The following LINC00305 variants were observed in gnomAD, a reference collection of about 807,000 sequenced individuals.
LINC00305 encodes long intergenic non-protein coding RNA 305.
chr18:64,086,431 CTG>C (rs369461670), intron 3 of LINC00305, among the ~76,000 whole-genome samples: 35 of 152,284 alleles, frequency 2.3e-4, no homozygotes, highest in African/African-American at 6.3e-4. Context: ...GATAGGAACA[CTG>C]TCATATTTTC....
chr18:64,137,137 G>A (rs769832551), intron 1 of LINC00305, among the ~76,000 whole-genome samples: 1 of 152,148 alleles, frequency 6.6e-6, no homozygotes, highest in Admixed American at 6.5e-5. Flanking sequence ...GGGGAATCTG[G>A]ACACACAGAC....
chr18:64,117,339 T>C lies in LINC00305; in HGVS notation n.315-18699A>G, dbSNP rs145266018. 4.2e-3 allele frequency among the ~76,000 whole-genome samples: 643 copies of C among 152,310 alleles called. 4 individuals carry two copies. The highest frequency in any genetic ancestry group is 0.014 in the African/African-American group (592 of 41,572). ...AATAATCTAATGCCTGAAACACTCA[T>C]AGGAGTAATGTATTGTTATCTCTGC... On this transcript the variant is annotated intron_variant and non_coding_transcript_variant, in intron 1 of 3. Transcript: ENST00000666468.
chr18:64,141,553 G>C (rs1019682592), intron 1 of LINC00305, among the ~76,000 whole-genome samples: 1 of 152,224 alleles, frequency 6.6e-6, no homozygotes, highest in African/African-American at 2.4e-5. Context: ...CGCAGGCCCA[G>C]TGACTGTATG....
chr18:64,143,330 T>C (rs2051473319), intron 1 of LINC00305, among the ~76,000 whole-genome samples: 1 of 152,072 alleles, frequency 6.6e-6, no homozygotes. Context: ...TGTTGATATC[T>C]AGCTGGCAGT....
intron 1 of LINC00305, among the ~76,000 whole-genome samples, chr18:64,143,867 CATAT>C (rs1599234439): frequency 6.7e-6 from 1 of 149,512 alleles, no homozygotes; most frequent in African/African-American, 2.5e-5. Flanking sequence ...TACATACATA[CATAT>C]ATGTATACAT....
chr18:64,137,659 C>T (rs1216553923), intron 1 of LINC00305, among the ~76,000 whole-genome samples: 3 of 152,118 alleles, frequency 2.0e-5, no homozygotes, highest in Admixed American at 6.5e-5. Flanking sequence ...CTTTGCAAAG[C>T]TGTCTTTGGA....
intron 1 of LINC00305, among the ~76,000 whole-genome samples, chr18:64,148,358 G>T (rs940034436): frequency 6.6e-6 from 1 of 151,904 alleles, no homozygotes; most frequent in Non-Finnish European, 1.5e-5. Flanking sequence ...AGGACTAACT[G>T]TAAAACTATG....
At chr18:64,122,778 A>G (rs1007538054) in intron 1 of LINC00305, among the ~76,000 whole-genome samples, 2 of 152,056 alleles carry the variant, frequency 1.3e-5, no homozygotes, top group African/African-American at 4.8e-5. Context: ...CTTGAGCAGG[A>G]TTGTCATTTT....
At chr18:64,143,766 T>A (rs1342496304) in intron 1 of LINC00305, among the ~76,000 whole-genome samples, 2 of 150,706 alleles carry the variant, frequency 1.3e-5, no homozygotes, top group East Asian at 3.9e-4. Flanking sequence ...TGTACACATA[T>A]TATGCGTACA....
chr18:64,116,077 A>T (rs931090114), intron 1 of LINC00305, among the ~76,000 whole-genome samples: 2 of 152,176 alleles, frequency 1.3e-5, no homozygotes, highest in Admixed American at 1.3e-4. Flanking sequence ...ATTTTTTACC[A>T]GTGGAGTTAA....
chr18:64,144,994 C>T (rs2144284639), intron 1 of LINC00305, among the ~76,000 whole-genome samples: 1 of 152,180 alleles, frequency 6.6e-6, no homozygotes, highest in African/African-American at 2.4e-5. Context: ...GCTATAAACG[C>T]CCTCATCTTG....
chr18:64,143,544 TACAC>T (rs879281595), intron 1 of LINC00305, among the ~76,000 whole-genome samples: 19,424 of 127,316 alleles, frequency 0.15, 2,844 homozygotes, highest in African/African-American at 0.2. Context: ...CATATATATG[TACAC>T]ATATTATGTG....
intron 1 of LINC00305, among the ~76,000 whole-genome samples, chr18:64,117,706 A>G (rs781210027): frequency 9.9e-5 from 15 of 152,206 alleles, no homozygotes; most frequent in Admixed American, 2.0e-4. Flanking sequence ...AAGTGCATGT[A>G]ACGGTACAGA....
intron 1 of LINC00305, among the ~76,000 whole-genome samples, chr18:64,114,424 G>A (rs1015900042): frequency 2.0e-5 from 3 of 152,188 alleles, no homozygotes; most frequent in Non-Finnish European, 2.9e-5. Flanking sequence ...TGGACATTCC[G>A]GGTGTGCTAT....
chr18:64,136,718 C>A (rs1454988507), intron 1 of LINC00305, among the ~76,000 whole-genome samples: 1 of 152,086 alleles, frequency 6.6e-6, no homozygotes, highest in Non-Finnish European at 1.5e-5. Context: ...TCAGAAGAGA[C>A]AATATGAAGA....
chr18:64,094,305 A>G (rs1740434168), intron 3 of LINC00305, among the ~76,000 whole-genome samples: 1 of 152,232 alleles, frequency 6.6e-6, no homozygotes, highest in South Asian at 2.1e-4. Context: ...TCCCCTTCTG[A>G]AAAGATGATA....
chr18:64,093,665 A>G (rs1319115485), intron 3 of LINC00305, among the ~76,000 whole-genome samples: 1 of 152,172 alleles, frequency 6.6e-6, no homozygotes, highest in Non-Finnish European at 1.5e-5. Context: ...TCTTGTAGTC[A>G]CAGGGGTTGT....
intron 1 of LINC00305, among the ~76,000 whole-genome samples, chr18:64,141,786 C>G (rs576706003): frequency 6.6e-6 from 1 of 152,152 alleles, no homozygotes; most frequent in Admixed American, 6.5e-5. Flanking sequence ...TTTCTCAAAA[C>G]GCTTTGGTAT....
intron 1 of LINC00305, among the ~76,000 whole-genome samples, chr18:64,122,326 G>A (rs2051365518): frequency 6.6e-6 from 1 of 151,920 alleles, no homozygotes; most frequent in Non-Finnish European, 1.5e-5. Flanking sequence ...TAGGACTTAT[G>A]TTTATGTCTT....
Sources: gnomAD v4.1 joint callset for allele counts (sites outside exome capture counted in the v4.1 genomes callset) on GRCh38, gnomAD v4.1.1 for gene constraint, MANE v1.5 for transcripts, NCBI Gene and HGNC (gene_info 2026-07-23, HGNC 2026-07-21) for gene names.